Variants in MAD1L1 observed in about 807,000 individuals in gnomAD.
The protein encoded by MAD1L1 is mitotic arrest deficient 1 like 1.
Under a neutral mutation model 96.9 loss-of-function variants are expected in MAD1L1, and 95 were observed. The ratio of observed to expected loss-of-function variants is 0.98; its 90% confidence interval spans 0.83 to 1.16. The LOEUF is 1.16. Among genes scored for constraint, MAD1L1 ranks in the 50% most tolerant of loss-of-function variants. The pLI is 0.00. For missense variants in MAD1L1, 1,007 were observed against 954.4 expected, an observed-to-expected ratio of 1.06 and a Z score of -0.73; for synonymous variants, 473 against 396.6, an observed-to-expected ratio of 1.19 and a Z score of -2.29.
chr7:1,890,814 C>G (rs1188329597), intron 18 of MAD1L1, among the ~76,000 whole-genome samples: 1 of 152,238 alleles, frequency 6.6e-6, no homozygotes, highest in Non-Finnish European at 1.5e-5. Flanking sequence ...AGTCATTTCC[C>G]AGGGCCAACC....
chr7:2,212,970 T>A (rs1017200739), intron 10 of MAD1L1, among the ~76,000 whole-genome samples: 1 of 152,244 alleles, frequency 6.6e-6, no homozygotes, highest in Non-Finnish European at 1.5e-5. Flanking sequence ...ACTGGTTTGC[T>A]GTGGATATTC....
At chr7:2,174,382 G>A (rs1185168898) in intron 10 of MAD1L1, among the ~76,000 whole-genome samples, 1 of 152,086 alleles carries the variant, frequency 6.6e-6, no homozygotes, top group Non-Finnish European at 1.5e-5. Context: ...TGATATTTGG[G>A]GTCCAGCAAC....
intron 10 of MAD1L1, among the ~76,000 whole-genome samples, chr7:2,189,587 CT>C (rs1343786407): frequency 6.6e-6 from 1 of 152,186 alleles, no homozygotes; most frequent in African/African-American, 2.4e-5. Context: ...GAGGTCCCTA[CT>C]GTAGTAAAAA....
intron 18 of MAD1L1, among the ~76,000 whole-genome samples, chr7:1,887,559 G>A (rs1393574596): frequency 6.6e-6 from 1 of 150,884 alleles, no homozygotes. Context: ...ATGTGTGCAA[G>A]CATGCGTGTA....
At chr7:1,952,543 C>T (rs879462709) in intron 16 of MAD1L1, among the ~76,000 whole-genome samples, 54 of 151,566 alleles carry the variant, frequency 3.6e-4, no homozygotes, top group Non-Finnish European at 6.0e-4. Flanking sequence ...GCTCCTTGGC[C>T]CCCGCTGTGC....
intron 11 of MAD1L1, among the ~76,000 whole-genome samples, chr7:2,148,907 A>G (rs540249203): frequency 1.3e-3 from 198 of 152,114 alleles, no homozygotes; most frequent in Non-Finnish European, 2.3e-3. Context: ...CCCAGACCCC[A>G]TGGCAGTTTA....
chr7:1,823,306 TA>T (rs1782225104), intron 18 of MAD1L1, among the ~76,000 whole-genome samples: 1 of 152,000 alleles, frequency 6.6e-6, no homozygotes, highest in South Asian at 2.1e-4. Context: ...AGAATTATGT[TA>T]AAAAAGAAAT....
chr7:2,153,044 G>T (rs1789657555), intron 10 of MAD1L1, among the ~76,000 whole-genome samples: 1 of 152,076 alleles, frequency 6.6e-6, no homozygotes. Flanking sequence ...AACTGGAGAT[G>T]GATTACAGGC....
chr7:2,172,385 C>A (rs1031491354), intron 10 of MAD1L1, among the ~76,000 whole-genome samples: 1 of 152,190 alleles, frequency 6.6e-6, no homozygotes, highest in African/African-American at 2.4e-5. Context: ...ACTCTCGCCC[C>A]TGCAGGCCTC....
intron 10 of MAD1L1, among the ~76,000 whole-genome samples, chr7:2,156,562 A>T (rs1370541780): frequency 6.6e-6 from 1 of 152,214 alleles, no homozygotes; most frequent in African/African-American, 2.4e-5. Context: ...GCTCACGCCT[A>T]TAATGCCAGC....
intron 10 of MAD1L1, among the ~76,000 whole-genome samples, chr7:2,187,393 T>G (rs546744125): frequency 1.3e-5 from 2 of 152,312 alleles, no homozygotes; most frequent in South Asian, 4.1e-4. Flanking sequence ...TTTGCCTTTT[T>G]TCTTCTAACT....
intron 17 of MAD1L1, among the ~76,000 whole-genome samples, chr7:1,918,128 C>T (rs1205315483): frequency 6.6e-6 from 1 of 152,206 alleles, no homozygotes; most frequent in African/African-American, 2.4e-5. Context: ...CCGTGCTCCA[C>T]TCTGCAGCCA....
At chr7:1,859,464 C>T (rs1382557228) in intron 18 of MAD1L1, among the ~76,000 whole-genome samples, 1 of 152,222 alleles carries the variant, frequency 6.6e-6, no homozygotes, top group Non-Finnish European at 1.5e-5. Flanking sequence ...TCAGTGCTGC[C>T]CACAGGTGGG....
At chr7:2,026,660 T>C (rs1783008600) in intron 12 of MAD1L1, among the ~76,000 whole-genome samples, 1 of 152,134 alleles carries the variant, frequency 6.6e-6, no homozygotes, top group Non-Finnish European at 1.5e-5. Context: ...TCACCAGATG[T>C]TGGGAATTTG....
intron 16 of MAD1L1, among the ~76,000 whole-genome samples, chr7:1,955,599 G>C (rs762687810): frequency 2.6e-5 from 4 of 152,212 alleles, no homozygotes; most frequent in African/African-American, 4.8e-5. Context: ...CCAAAAGAGA[G>C]ATTTTCAATG....
intron 10 of MAD1L1, among the ~76,000 whole-genome samples, chr7:2,163,012 T>G (rs1790242152): frequency 6.6e-6 from 1 of 152,236 alleles, no homozygotes; most frequent in Non-Finnish European, 1.5e-5. Flanking sequence ...CTTTATTCAA[T>G]AGCAATTTTT....
At chr7:1,913,655 T>C (rs549218263) in intron 17 of MAD1L1, among the ~76,000 whole-genome samples, 2 of 152,008 alleles carry the variant, frequency 1.3e-5, no homozygotes, top group East Asian at 3.9e-4. Context: ...GATTTCATGA[T>C]TTACAGCTGC....
At chr7:1,913,701 C>A (rs1788167884) in intron 17 of MAD1L1, among the ~76,000 whole-genome samples, 1 of 152,100 alleles carries the variant, frequency 6.6e-6, no homozygotes, top group Non-Finnish European at 1.5e-5. Flanking sequence ...AGTGGCCTCT[C>A]CCCCAGGACA....
intron 18 of MAD1L1, among the ~76,000 whole-genome samples, chr7:1,859,996 G>C (rs942409072): frequency 2.0e-5 from 3 of 150,994 alleles, no homozygotes; most frequent in Admixed American, 2.0e-4. Context: ...ACATCCTGTG[G>C]GGCGGCCTCT....
Sources: allele counts gnomAD v4.1 joint callset (sites outside exome capture counted in the v4.1 genomes callset), GRCh38; gene constraint gnomAD v4.1.1; transcripts MANE v1.5; gene names NCBI Gene and HGNC (gene_info 2026-07-23, HGNC 2026-07-21).